PTBP2: variants seen among roughly 807,000 people sequenced by gnomAD.
PTBP2 encodes the protein polypyrimidine tract-binding protein 2.
In PTBP2, 13 loss-of-function variants were observed where a neutral mutation model predicts 61.4. That is an observed-to-expected ratio of 0.21 (90% CI 0.14 to 0.34). PTBP2 has a LOEUF of 0.34. Ranked by LOEUF, PTBP2 falls within the 10% of genes least tolerant of loss-of-function variation. The pLI, the probability that PTBP2 is intolerant of heterozygous loss-of-function variation, is 1.00. For synonymous variants in PTBP2, 215 were observed against 218.5 expected (o/e 0.98, Z 0.14); for missense variants, 405 against 642.6 (o/e 0.63, Z 4.00).
At chr1:96,735,955 T>TA (rs1652109858) in intron 2 of PTBP2, among the ~76,000 whole-genome samples, 1 of 152,172 alleles carries the variant, frequency 6.6e-6, no homozygotes, top group Non-Finnish European at 1.5e-5. Flanking sequence ...TAGAGATCTT[T>TA]AAAGCAGCCA....
At chr1:96,728,837 C>T (rs1394558822) in intron 2 of PTBP2, among the ~76,000 whole-genome samples, 5 of 145,720 alleles carry the variant, frequency 3.4e-5, no homozygotes, top group Non-Finnish European at 7.5e-5. Context: ...TTTTTCAGTG[C>T]ACACGTTTTG....
At chr1:96,755,139 A>G (rs1655013250) in intron 3 of PTBP2, among the ~76,000 whole-genome samples, 1 of 152,224 alleles carries the variant, frequency 6.6e-6, no homozygotes, top group Admixed American at 6.5e-5. Flanking sequence ...CAGTATATGT[A>G]AAATCAGCAG....
chr1:96,749,032 G>A (rs1654194382), intron 2 of PTBP2, among the ~76,000 whole-genome samples: 1 of 151,990 alleles, frequency 6.6e-6, no homozygotes, highest in African/African-American at 2.4e-5. Flanking sequence ...AGTAATGAAG[G>A]CTGTTAAATC....
In PTBP2 at chr1:96,804,852, T is replaced by A; in HGVS notation, c.957T>A (p.Ala319=). 6.2e-7 allele frequency: 1 copy of A among 1,610,946 alleles called. No individual in the cohort carries two copies. Among genetic ancestry groups the A allele is most frequent in the South Asian group, 1.1e-5 (1 of 90,908 alleles). The change falls in exon 9 of 14, where the codon GCT becomes GCA. Residue 319 remains alanine (A), a synonymous_variant. Transcript: ENST00000674951. ...PLAIPNAAAA[A]AAAAAGRVGM... ...CCATTCCAAATGCTGCTGCAGCAGC[T>A]GCTGCAGCTGCTGCTGGCCGAGTGG...
intron 2 of PTBP2, among the ~76,000 whole-genome samples, chr1:96,734,743 CTA>C (rs779740995): frequency 6.6e-6 from 1 of 151,518 alleles, no homozygotes; most frequent in Non-Finnish European, 1.5e-5. Flanking sequence ...CTCAGGGTCT[CTA>C]TTTTTTTGGT....
chr1:96,812,652 G>T (rs1662197486), intron 11 of PTBP2, 60 bp from the exon 12 acceptor site: 2 of 1,317,012 alleles, frequency 1.5e-6, no homozygotes, highest in Non-Finnish European at 2.1e-6. Context: ...TACGTTAAAA[G>T]AATTATGTTT....
At position 96,788,480 on chromosome 1, in the gene PTBP2, A is replaced by G. The variant is rs140405731; in HGVS notation, c.904+3226A>G. ...TTATGGTGATATCCAATATTGCATG[A>G]GTGAGGTCATGCCTTTTAGAATAAT... is the stretch of plus-strand genomic sequence containing the variant. On this transcript the variant is annotated intron_variant, in intron 8 of 13. Coordinates refer to ENST00000674951, the MANE Select transcript of PTBP2 (RefSeq NM_021190.4). 1.7e-4 allele frequency among the ~76,000 whole-genome samples: 26 copies of G among 152,158 alleles called. No homozygotes were observed. In the East Asian group the frequency reaches 4.4e-3, roughly 26 times the overall value.
intron 8 of PTBP2, among the ~76,000 whole-genome samples, chr1:96,802,231 A>T (rs943494849): frequency 2.0e-5 from 3 of 151,004 alleles, no homozygotes; most frequent in African/African-American, 7.3e-5. Context: ...AAAAAAAAAA[A>T]AAGAACCCAC....
At chr1:96,781,166 C>CCGT (rs1257366528) in intron 7 of PTBP2, among the ~76,000 whole-genome samples, 5 of 151,974 alleles carry the variant, frequency 3.3e-5, no homozygotes, top group African/African-American at 1.2e-4. Context: ...GGCTTCTGGA[C>CCGT]CGTCAATCAT....
intron 2 of PTBP2, among the ~76,000 whole-genome samples, chr1:96,739,919 T>C (rs77824669): frequency 0.34 from 51,149 of 151,838 alleles, 8,824 homozygotes; most frequent in South Asian, 0.44. Context: ...CCACCGCGCC[T>C]GGCCAATCTG....
At chr1:96,745,676 G>C (rs958851671) in intron 2 of PTBP2, among the ~76,000 whole-genome samples, 15 of 151,898 alleles carry the variant, frequency 9.9e-5, no homozygotes, top group African/African-American at 3.6e-4. Flanking sequence ...TTTTTGGATA[G>C]TTTTATAATA....
chr1:96,765,570 G>A (rs956259668), intron 3 of PTBP2, among the ~76,000 whole-genome samples: 1 of 152,046 alleles, frequency 6.6e-6, no homozygotes, highest in African/African-American at 2.4e-5. Flanking sequence ...AATTAGCTGG[G>A]TGTGGTGGTG....
At chr1:96,823,597 CA>C (rs1446167067) in exon 14 of PTBP2, 1 of 152,086 alleles carries the variant, frequency 6.6e-6, no homozygotes. Context: ...ATTATACGTG[CA>C]ATATATTCTT....
At chr1:96,758,697 A>G (rs1041603812) in intron 3 of PTBP2, among the ~76,000 whole-genome samples, 8 of 152,218 alleles carry the variant, frequency 5.3e-5, no homozygotes, top group Non-Finnish European at 1.2e-4. Flanking sequence ...TCTACTAAGA[A>G]CCTACAACAA....
At chr1:96,735,368 C>T (rs1279236387) in intron 2 of PTBP2, among the ~76,000 whole-genome samples, 3 of 152,056 alleles carry the variant, frequency 2.0e-5, no homozygotes, top group Admixed American at 1.3e-4. Context: ...CAAGAACATA[C>T]GATTTAGAAT....
intron 5 of PTBP2, among the ~76,000 whole-genome samples, chr1:96,773,853 CT>C (rs531663798): frequency 1.8e-3 from 266 of 151,672 alleles, no homozygotes; most frequent in Non-Finnish European, 2.7e-3. Flanking sequence ...GTCCCAGCTA[CT>C]CGGGAGGCTG....
intron 3 of PTBP2, among the ~76,000 whole-genome samples, chr1:96,752,237 T>C (rs1326595395): frequency 3.3e-5 from 5 of 152,072 alleles, no homozygotes; most frequent in Admixed American, 1.3e-4. Context: ...ATTATTATTA[T>C]CAAATGAATT....
chr1:96,755,756 C>T (rs1168473544), intron 3 of PTBP2, among the ~76,000 whole-genome samples: 10 of 152,206 alleles, frequency 6.6e-5, no homozygotes. Flanking sequence ...TGTATGATTC[C>T]ATTTATATAA....
chr1:96,733,569 A>G (rs769192129), intron 2 of PTBP2, among the ~76,000 whole-genome samples: 2 of 152,186 alleles, frequency 1.3e-5, no homozygotes, highest in Admixed American at 1.3e-4. Context: ...AGTCCCAGCT[A>G]CTTGGGAGGC....
Sources: allele counts gnomAD v4.1 joint callset (sites outside exome capture counted in the v4.1 genomes callset), GRCh38; gene constraint gnomAD v4.1.1; transcripts MANE v1.5; gene names NCBI Gene and HGNC (gene_info 2026-07-23, HGNC 2026-07-21).